The following RAP1GAP2 variants were observed in gnomAD, a reference collection of about 807,000 sequenced individuals.
RAP1GAP2 encodes rap1 GTPase-activating protein 2.
Under a neutral mutation model 95.0 loss-of-function variants are expected in RAP1GAP2, and 27 were observed. That is an observed-to-expected ratio of 0.28 (90% CI 0.21 to 0.39). RAP1GAP2 has a LOEUF of 0.39. Among genes scored for constraint, RAP1GAP2 ranks in the 10% least tolerant of loss-of-function variants. The pLI is 1.00. For synonymous variants in RAP1GAP2, 373 were observed against 380.9 expected (o/e 0.98, Z 0.24); for missense variants, 771 against 970.0 (o/e 0.79, Z 2.72).
intron 17 of RAP1GAP2, among the ~76,000 whole-genome samples, chr17:3,010,209 G>A (rs933112385): frequency 6.6e-6 from 1 of 151,788 alleles, no homozygotes; most frequent in African/African-American, 2.4e-5. Context: ...GCGTGGTGAC[G>A]TGAGCCTGTA....
At chr17:2,850,867 C>T (rs8066435) in intron 2 of RAP1GAP2, among the ~76,000 whole-genome samples, 1 of 151,962 alleles carries the variant, frequency 6.6e-6, no homozygotes, top group African/African-American at 2.4e-5. Flanking sequence ...TCGAGATCAG[C>T]CTGGCCAACA....
intron 2 of RAP1GAP2, among the ~76,000 whole-genome samples, chr17:2,803,391 C>T (rs1427186117): frequency 1.3e-5 from 2 of 152,084 alleles, no homozygotes; most frequent in Non-Finnish European, 2.9e-5. Context: ...GCAGGGTGCC[C>T]CAGGGAACTG....
chr17:2,847,299 G>A (rs371986663), intron 2 of RAP1GAP2, among the ~76,000 whole-genome samples: 39 of 152,244 alleles, frequency 2.6e-4, no homozygotes, highest in East Asian at 1.4e-3. Flanking sequence ...GAGCCACCGC[G>A]CCCGGCATCA....
At chr17:2,885,766 C>T (rs1362292150) in intron 2 of RAP1GAP2, among the ~76,000 whole-genome samples, 2 of 152,192 alleles carry the variant, frequency 1.3e-5, no homozygotes, top group African/African-American at 4.8e-5. Flanking sequence ...AGACAGAGAT[C>T]CTGAAGAGGG....
intron 2 of RAP1GAP2, among the ~76,000 whole-genome samples, chr17:2,771,530 G>A (rs1056763708): frequency 1.7e-5 from 2 of 115,526 alleles, no homozygotes; most frequent in African/African-American, 6.9e-5. Context: ...TTTTGCTCTT[G>A]TCGTCCAGGC....
intron 18 of RAP1GAP2, 145 bp downstream of exon 18, chr17:3,018,343 G>A (rs3752045): frequency 0.93 from 1,085,379 of 1,166,962 alleles, 506,547 homozygotes; most frequent in Non-Finnish European, 0.95. Context: ...AGGCTGCTTG[G>A]GGGTGACCCT....
intron 8 of RAP1GAP2, among the ~76,000 whole-genome samples, chr17:2,977,917 C>T (rs1362315058): frequency 6.6e-6 from 1 of 152,042 alleles, no homozygotes; most frequent in Non-Finnish European, 1.5e-5. Context: ...CAGTAGTCTC[C>T]TCATATTCAT....
upstream of RAP1GAP2, among the ~76,000 whole-genome samples, chr17:2,794,137 C>T (rs1390873039): frequency 6.6e-6 from 1 of 151,618 alleles, no homozygotes; most frequent in Non-Finnish European, 1.5e-5. Context: ...TTCCCTTTCT[C>T]TGTCAGTTCT....
rs560032326 is a variant in RAP1GAP2 at position 2,814,307 on chromosome 17, G to A, written c.80+13757G>A. ...TCGTGCCTCCTCTTGATCTTCAGCT[G>A]CAGCCCGAGGGTGGAACTTGCTGTG... On this transcript the variant is annotated intron_variant, in intron 2 of 24. Coordinates refer to ENST00000254695, the MANE Select transcript of RAP1GAP2 (RefSeq NM_015085.5). Among the ~76,000 whole-genome samples, 4 of 152,290 alleles carry A rather than the reference G, an allele frequency of 2.6e-5. No individual in the cohort carries two copies. In the South Asian group the frequency reaches 6.2e-4, roughly 24 times the overall value.
intron 14 of RAP1GAP2, among the ~76,000 whole-genome samples, chr17:3,000,244 CA>C (rs1304529108): frequency 1.3e-5 from 2 of 152,266 alleles, no homozygotes; most frequent in African/African-American, 2.4e-5. Flanking sequence ...CCACTGTGCC[CA>C]GCCCATTTCT....
intron 22 of RAP1GAP2, 142 bp from the exon 23 acceptor site, chr17:3,030,780 G>A (rs1374856682): frequency 2.8e-6 from 2 of 710,272 alleles, no homozygotes; most frequent in Non-Finnish European, 4.8e-6. Flanking sequence ...GGCTCTCGTG[G>A]GTCGGCACAG....
At chr17:2,978,454 T>C (rs1232903000) in intron 8 of RAP1GAP2, among the ~76,000 whole-genome samples, 1 of 151,994 alleles carries the variant, frequency 6.6e-6, no homozygotes, top group Non-Finnish European at 1.5e-5. Context: ...AAAGGGAAAA[T>C]TCATGTCCCG....
At chr17:3,009,104 C>T (rs1449645043) in intron 17 of RAP1GAP2, among the ~76,000 whole-genome samples, 4 of 152,236 alleles carry the variant, frequency 2.6e-5, no homozygotes, top group South Asian at 4.1e-4. Context: ...CTATTAAAAC[C>T]GCAGCTCTGT....
At chr17:2,803,115 G>T (rs2069369552) in intron 2 of RAP1GAP2, among the ~76,000 whole-genome samples, 1 of 152,114 alleles carries the variant, frequency 6.6e-6, no homozygotes, top group East Asian at 1.9e-4. Flanking sequence ...TATCGAGGGA[G>T]GGCCTGTTTG....
chr17:2,995,822 T>C (rs567055013), intron 13 of RAP1GAP2, among the ~76,000 whole-genome samples: 1 of 152,220 alleles, frequency 6.6e-6, no homozygotes, highest in African/African-American at 2.4e-5. Context: ...GGGCAGAGCC[T>C]GGGGGCCCTG....
intron 18 of RAP1GAP2, among the ~76,000 whole-genome samples, chr17:3,019,836 A>G (rs987217398): frequency 6.6e-6 from 1 of 152,096 alleles, no homozygotes; most frequent in African/African-American, 2.4e-5. Flanking sequence ...GGTGGCCTCT[A>G]GAGGTTGGTT....
intron 2 of RAP1GAP2, among the ~76,000 whole-genome samples, chr17:2,896,177 T>C (rs369492278): frequency 2.4e-4 from 36 of 152,280 alleles, no homozygotes; most frequent in East Asian, 1.9e-3. Flanking sequence ...CCACAGTCCA[T>C]GTTTGGCACT....
At chr17:2,820,733 A>ATATTT (rs533079111) in intron 2 of RAP1GAP2, among the ~76,000 whole-genome samples, 9 of 151,648 alleles carry the variant, frequency 5.9e-5, no homozygotes, top group African/African-American at 2.2e-4. Context: ...TGACAGAAGC[A>ATATTT]TATTTTATTT....
At chr17:2,892,328 C>A (rs767004861) in intron 2 of RAP1GAP2, among the ~76,000 whole-genome samples, 1 of 152,100 alleles carries the variant, frequency 6.6e-6, no homozygotes, top group Non-Finnish European at 1.5e-5. Flanking sequence ...CCCTGCTAAT[C>A]TTTCTGTTAT....
Sources: allele counts gnomAD v4.1 joint callset (sites outside exome capture counted in the v4.1 genomes callset), GRCh38; gene constraint gnomAD v4.1.1; transcripts MANE v1.5; gene names NCBI Gene and HGNC (gene_info 2026-07-23, HGNC 2026-07-21).